SH2D4B: variants seen among roughly 807,000 people sequenced by gnomAD.
SH2D4B encodes the protein SH2 domain containing 4B.
A neutral mutation model predicts 61.5 loss-of-function variants in SH2D4B; 45 were observed. That is an observed-to-expected ratio of 0.73 (90% CI 0.58 to 0.94). SH2D4B has a LOEUF of 0.94. Ranked by LOEUF, SH2D4B falls within the 40% of genes least tolerant of loss-of-function variation. SH2D4B has a pLI of 0.00. For synonymous variants in SH2D4B, 224 were observed against 220.4 expected (o/e 1.02, Z -0.14); for missense variants, 572 against 574.2 (o/e 1.00, Z 0.04).
chr10:80,580,263 C>A (rs1038043472), intron 3 of SH2D4B, among the ~76,000 whole-genome samples: 2 of 152,174 alleles, frequency 1.3e-5, no homozygotes, highest in African/African-American at 2.4e-5. Context: ...TGGTAGCAGG[C>A]ACTTTGAGGC....
intron 4 of SH2D4B, among the ~76,000 whole-genome samples, chr10:80,598,428 A>T (rs926259799): frequency 1.3e-5 from 2 of 152,172 alleles, no homozygotes; most frequent in African/African-American, 4.8e-5. Flanking sequence ...AAGCCTCTGA[A>T]AACAGAAAAG....
At chr10:80,639,202 C>A (rs186122207) in intron 7 of SH2D4B, among the ~76,000 whole-genome samples, 5 of 152,260 alleles carry the variant, frequency 3.3e-5, no homozygotes, top group Admixed American at 3.3e-4. Flanking sequence ...TGCTTTACTT[C>A]CAACTGTGTG....
At chr10:80,577,588 G>T (rs569022225) in intron 3 of SH2D4B, among the ~76,000 whole-genome samples, 2 of 151,982 alleles carry the variant, frequency 1.3e-5, no homozygotes, top group African/African-American at 4.8e-5. Flanking sequence ...CACCACGCCC[G>T]GCTAATTTTT....
At chr10:80,606,428 C>T (rs1354759080) in intron 5 of SH2D4B, among the ~76,000 whole-genome samples, 6 of 152,050 alleles carry the variant, frequency 3.9e-5, no homozygotes, top group African/African-American at 1.2e-4. Flanking sequence ...CTCACTGCAA[C>T]CTCTGCCTCC....
intron 6 of SH2D4B, among the ~76,000 whole-genome samples, chr10:80,613,498 G>C (rs1000224760): frequency 6.6e-6 from 1 of 152,206 alleles, no homozygotes; most frequent in Non-Finnish European, 1.5e-5. Context: ...TTGCCCATAG[G>C]GCTTGGCACA....
At chr10:80,596,196 T>C (rs1036738244) in intron 4 of SH2D4B, among the ~76,000 whole-genome samples, 2 of 152,148 alleles carry the variant, frequency 1.3e-5, no homozygotes, top group African/African-American at 4.8e-5. Context: ...CAGGAGAGAG[T>C]GTTCCCCTTG....
intron 1 of SH2D4B, among the ~76,000 whole-genome samples, chr10:80,544,625 C>G (rs1315729722): frequency 6.6e-6 from 1 of 152,248 alleles, no homozygotes; most frequent in Non-Finnish European, 1.5e-5. Flanking sequence ...GATGTCCTGA[C>G]CTTGCATGCC....
intron 4 of SH2D4B, among the ~76,000 whole-genome samples, chr10:80,589,129 A>G (rs1589347629): frequency 6.6e-6 from 1 of 151,314 alleles, no homozygotes; most frequent in Non-Finnish European, 1.5e-5. Flanking sequence ...TCAGCCTCCC[A>G]AGTAGCTGGG....
At chr10:80,643,035 A>G (rs1185654593) in intron 7 of SH2D4B, 1 of 152,564 alleles carries the variant, frequency 6.6e-6, no homozygotes, top group Non-Finnish European at 1.5e-5. Context: ...CACACGTTTC[A>G]CGGCCACTTG....
At chr10:80,586,294 C>T (rs1589345978) in intron 3 of SH2D4B, among the ~76,000 whole-genome samples, 1 of 152,228 alleles carries the variant, frequency 6.6e-6, no homozygotes, top group Admixed American at 6.5e-5. Flanking sequence ...TCTCCACCTG[C>T]GGCCCTGGTG....
chr10:80,613,777 C>T (rs1842629908), intron 6 of SH2D4B, among the ~76,000 whole-genome samples: 1 of 152,194 alleles, frequency 6.6e-6, no homozygotes, highest in Non-Finnish European at 1.5e-5. Context: ...GCGAGAGCTC[C>T]AAAGTAGAAT....
At chr10:80,628,312 T>C (rs1046945966) in intron 6 of SH2D4B, among the ~76,000 whole-genome samples, 1 of 152,182 alleles carries the variant, frequency 6.6e-6, no homozygotes, top group African/African-American at 2.4e-5. Context: ...ATTCTCGTGA[T>C]AGCAAATAAG....
At chr10:80,602,013 A>G (rs1004032246) in intron 4 of SH2D4B, among the ~76,000 whole-genome samples, 1 of 152,188 alleles carries the variant, frequency 6.6e-6, no homozygotes. Flanking sequence ...TGAGACTACA[A>G]AATAATTGGT....
chr10:80,586,505 G>T (rs12767850), intron 3 of SH2D4B, among the ~76,000 whole-genome samples: 32,373 of 151,970 alleles, frequency 0.21, 3,940 homozygotes, highest in East Asian at 0.36. Flanking sequence ...CTACTCTGGT[G>T]GGGGCTTGGA....
chr10:80,564,853 GA>G (rs1841945164), intron 1 of SH2D4B, among the ~76,000 whole-genome samples: 1 of 152,148 alleles, frequency 6.6e-6, no homozygotes, highest in Non-Finnish European at 1.5e-5. Context: ...TTGTTAAAAG[GA>G]AAACTTCAGC....
intron 7 of SH2D4B, among the ~76,000 whole-genome samples, chr10:80,643,621 G>C (rs1024919030): frequency 6.6e-6 from 1 of 151,926 alleles, no homozygotes; most frequent in Non-Finnish European, 1.5e-5. Flanking sequence ...CCAAGGAACC[G>C]TGTGCGTCTC....
At chr10:80,608,279 G>T (rs1301742102) in intron 5 of SH2D4B, among the ~76,000 whole-genome samples, 2 of 152,192 alleles carry the variant, frequency 1.3e-5, no homozygotes, top group Non-Finnish European at 1.5e-5. Flanking sequence ...ATGGGTGAGG[G>T]ACTGAAGGCA....
intron 2 of SH2D4B, 48 bp from the exon 3 acceptor site, chr10:80,571,383 T>TC: frequency 6.4e-7 from 1 of 1,574,288 alleles, no homozygotes; most frequent in Non-Finnish European, 8.6e-7. Flanking sequence ...TGTTAGGTGG[T>TC]CCTTCAGTTT....
intron 6 of SH2D4B, among the ~76,000 whole-genome samples, chr10:80,627,373 C>T (rs1317789535): frequency 6.6e-6 from 1 of 152,168 alleles, no homozygotes; most frequent in Non-Finnish European, 1.5e-5. Context: ...TGGAGCTTGA[C>T]TGCTGCCTAT....
Sources: allele counts gnomAD v4.1 joint callset (sites outside exome capture counted in the v4.1 genomes callset), GRCh38; gene constraint gnomAD v4.1.1; transcripts MANE v1.5; gene names NCBI Gene and HGNC (gene_info 2026-07-23, HGNC 2026-07-21).